The following CHD6 variants were observed in gnomAD, a reference collection of about 807,000 sequenced individuals.
CHD6 encodes chromodomain helicase DNA binding protein 6.
In CHD6, 50 loss-of-function variants were observed where a neutral mutation model predicts 276.9. That is an observed-to-expected ratio of 0.18 (90% CI 0.14 to 0.23). The LOEUF is 0.23. Among genes scored for constraint, CHD6 ranks in the 10% least tolerant of loss-of-function variants. The probability of loss-of-function intolerance (pLI) is 1.00; values close to 1 mark genes in which losing one functional copy is unlikely to be tolerated. For synonymous variants in CHD6, 1,173 were observed against 1,229.3 expected, an observed-to-expected ratio of 0.95 and a Z score of 0.96; for missense variants, 2,564 against 3,365.8, an observed-to-expected ratio of 0.76 and a Z score of 5.89.
chr20:41,570,825 A>G (rs531508244), intron 1 of CHD6, among the ~76,000 whole-genome samples: 1 of 152,340 alleles, frequency 6.6e-6, no homozygotes, highest in East Asian at 1.9e-4. Context: ...TTCTGTTCAC[A>G]GTGTAATGCC....
chr20:41,521,427 T>C (rs949731245), intron 3 of CHD6, among the ~76,000 whole-genome samples: 1 of 152,130 alleles, frequency 6.6e-6, no homozygotes, highest in East Asian at 1.9e-4. Context: ...AAATATGAAA[T>C]GCTATAAGGC....
Position 41,421,926 on chromosome 20 carries a change from T to G in CHD6, c.4709A>C (p.Tyr1570Ser). The change falls in exon 31 of 37, where the codon TAC (tyrosine) becomes TCC (serine). Residue 1570 changes from tyrosine (Y) to serine (S), a missense_variant. By Grantham distance (144) the Tyr-to-Ser change is moderately radical (BLOSUM62 -2). This residue lies in a region of CHD6 where 515 missense variants were observed against 739.5 expected (regional missense o/e 0.70). Transcript: ENST00000373233. ...ERLQLCRPSLYLPVWWECGKH... is the reference protein window; with the variant it reads ...ERLQLCRPSLSLPVWWECGKH... Reference sequence around the variant, plus strand: ...CCCACACTCCCACCAGACTGGGAGGTAGAGGCTGGGCCTGCACAGCTGGAG... The same window carrying G: ...CCCACACTCCCACCAGACTGGGAGGGAGAGGCTGGGCCTGCACAGCTGGAG... 2 of 1,613,996 alleles carry G rather than the reference T, an allele frequency of 1.2e-6. No homozygotes were observed. Among genetic ancestry groups the G allele is most frequent in the Non-Finnish European group, 1.7e-6 (2 of 1,179,952 alleles).
intron 1 of CHD6, among the ~76,000 whole-genome samples, chr20:41,618,058 C>A (rs933595637): frequency 2.0e-5 from 3 of 148,464 alleles, no homozygotes; most frequent in Admixed American, 6.7e-5. Flanking sequence ...AGGACGGCCG[C>A]CCGGCCCGAG....
At chr20:41,602,449 A>C (rs554166000) in intron 1 of CHD6, among the ~76,000 whole-genome samples, 39 of 152,314 alleles carry the variant, frequency 2.6e-4, no homozygotes, top group African/African-American at 8.9e-4. Flanking sequence ...CACACCAAGG[A>C]GTAAAACTGC....
At chr20:41,540,399 A>C (rs2044918425) in intron 2 of CHD6, among the ~76,000 whole-genome samples, 1 of 152,220 alleles carries the variant, frequency 6.6e-6, no homozygotes, top group Non-Finnish European at 1.5e-5. Context: ...CAATAATGAG[A>C]ATGTATTACT....
intron 1 of CHD6, among the ~76,000 whole-genome samples, chr20:41,613,542 C>T (rs2045908487): frequency 6.6e-6 from 1 of 152,170 alleles, no homozygotes; most frequent in African/African-American, 2.4e-5. Flanking sequence ...TGGGGGATAA[C>T]CCCAGGGAAT....
At chr20:41,439,688 G>GT (rs2047838358) in intron 26 of CHD6, among the ~76,000 whole-genome samples, 1 of 152,182 alleles carries the variant, frequency 6.6e-6, no homozygotes. Flanking sequence ...TCTCCCACAG[G>GT]AATCCTCTGA....
intron 1 of CHD6, among the ~76,000 whole-genome samples, chr20:41,587,930 C>T (rs1018717510): frequency 6.6e-6 from 1 of 152,024 alleles, no homozygotes; most frequent in Non-Finnish European, 1.5e-5. Context: ...GGAGTAAACG[C>T]TGAGAAGTCA....
At chr20:41,497,522 T>A (rs1288834271) in intron 7 of CHD6, 21 bp from the exon 8 acceptor site, 1 of 1,529,968 alleles carries the variant, frequency 6.5e-7, no homozygotes, top group African/African-American at 1.4e-5. Flanking sequence ...ACATACAAAT[T>A]GTCAGGCAAG....
intron 1 of CHD6, among the ~76,000 whole-genome samples, chr20:41,606,960 C>A (rs950323856): frequency 5.3e-5 from 8 of 152,136 alleles, no homozygotes; most frequent in Non-Finnish European, 1.2e-4. Flanking sequence ...AGAGTACAAA[C>A]CACTTTCCTG....
intron 3 of CHD6, among the ~76,000 whole-genome samples, chr20:41,531,921 G>GT (rs1476387456): frequency 2.0e-5 from 3 of 152,120 alleles, no homozygotes; most frequent in East Asian, 1.9e-4. Context: ...ATCAGTCTGT[G>GT]TTTTTTTATG....
At chr20:41,568,572 C>G (rs1036394417) in intron 1 of CHD6, among the ~76,000 whole-genome samples, 2 of 152,234 alleles carry the variant, frequency 1.3e-5, no homozygotes, top group East Asian at 3.8e-4. Context: ...TGGAAAACAG[C>G]TCCTCAACCA....
intron 1 of CHD6, among the ~76,000 whole-genome samples, chr20:41,563,145 G>A (rs1315238220): frequency 1.3e-5 from 2 of 152,216 alleles, no homozygotes; most frequent in Non-Finnish European, 2.9e-5. Context: ...CAAATCAACA[G>A]TAGTGATTTT....
At position 41,491,299 on chromosome 20, in the gene CHD6, CAT is replaced by C. The variant is rs145303299; in HGVS notation, c.1436+397_1436+398del. On this transcript the variant is annotated intron_variant, in intron 11 of 36. Transcript: ENST00000373233. Reference sequence around the variant, plus strand: ...AAGTTTTTGTATAGCTGTATATTCCCATATATATATATATATATTCCTATAAA... The same window carrying C: ...AAGTTTTTGTATAGCTGTATATTCCCATATATATATATATATTCCTATAAA... 1.9e-3 allele frequency among the ~76,000 whole-genome samples: 267 copies of C among 143,780 alleles called. 1 individual carries two copies. Among genetic ancestry groups the C allele is most frequent in the African/African-American group, 5.4e-3 (212 of 39,594 alleles). 94.3% of individuals were successfully genotyped at this position (143,780 alleles called of 152,430 possible).
At chr20:41,591,562 G>A (rs1417960984) in intron 1 of CHD6, among the ~76,000 whole-genome samples, 4 of 151,950 alleles carry the variant, frequency 2.6e-5, no homozygotes, top group Non-Finnish European at 5.9e-5. Flanking sequence ...GCATGGTAGC[G>A]TGTGCCTATA....
chr20:41,519,072 A>C lies in CHD6; in HGVS notation c.555-4120T>G, dbSNP rs528256426. Among the ~76,000 whole-genome samples, 8 of 152,306 alleles carry C rather than the reference A, an allele frequency of 5.3e-5. 1 individual carries two copies. In the South Asian group the frequency reaches 1.5e-3, roughly 28 times the overall value. The stretch of plus-strand genomic sequence containing the variant: ...CCAGGCAGGCAGACTGCTTGAGCTC[A>C]GGAGTTCAAGACCAGCCTGGGCAAT... On this transcript the variant is annotated intron_variant, in intron 3 of 36. Transcript: ENST00000373233.
intron 1 of CHD6, among the ~76,000 whole-genome samples, chr20:41,609,855 CTTTTTTTTT>C (rs369159347): frequency 1.6e-5 from 2 of 128,226 alleles, no homozygotes; most frequent in East Asian, 2.3e-4. Flanking sequence ...TTTCTTTTTT[CTTTTTTTTT>C]TTTTTTTTTT....
chr20:41,412,196 G>A lies in CHD6; in HGVS notation c.7199C>T (p.Ser2400Phe), dbSNP rs766891329. The A allele has an allele frequency of 5.6e-6, 9 of 1,614,082 alleles. No individual in the cohort carries two copies. Among genetic ancestry groups the A allele is most frequent in the African/African-American group, 1.3e-5 (1 of 74,916 alleles). ...CKEPGKLDVSSLSGEERVPAI... is the reference protein window; with the variant it reads ...CKEPGKLDVSFLSGEERVPAI... ...AGGAACTCTCTCTTCCCCGCTCAGG[G>A]AGCTGACATCTAATTTTCCAGGTTC... Residue 2400 changes from serine (S) to phenylalanine (F), a missense_variant, in exon 36 of 37, where the codon TCC (serine) becomes TTC (phenylalanine). Physicochemically the swap from Ser to Phe is radical, Grantham distance 155 (BLOSUM62 -2). This residue lies in a region of CHD6 where 1,024 missense variants were observed against 1,047.9 expected (regional missense o/e 0.98). Transcript: ENST00000373233.
At chr20:41,539,449 A>C (rs1240150458) in intron 2 of CHD6, among the ~76,000 whole-genome samples, 10 of 152,152 alleles carry the variant, frequency 6.6e-5, no homozygotes, top group Admixed American at 3.3e-4. Flanking sequence ...CAGTATAAGT[A>C]AGTCTTCTGT....
Sources: allele counts gnomAD v4.1 joint callset (sites outside exome capture counted in the v4.1 genomes callset), GRCh38; gene constraint gnomAD v4.1.1; regional missense constraint gnomAD v4.1.1; transcripts MANE v1.5; gene names NCBI Gene and HGNC (gene_info 2026-07-23, HGNC 2026-07-21).